Variants in LENG1 observed in about 807,000 individuals in gnomAD.
LENG1 encodes leukocyte receptor cluster (LRC) member 1.
LENG1 carries 35 observed loss-of-function variants against 28.8 expected under a neutral mutation model. The observed-to-expected ratio is 1.22, with a 90% CI of 0.93 to 1.61. The LOEUF (loss-of-function observed/expected upper bound fraction) is 1.61, where lower values mean the gene tolerates loss of function less well. Among genes scored for constraint, LENG1 ranks in the 40% most tolerant of loss-of-function variants. The probability of loss-of-function intolerance (pLI) is 0.00; values close to 1 mark genes in which losing one functional copy is unlikely to be tolerated. For missense variants in LENG1, 404 were observed against 348.9 expected, an observed-to-expected ratio of 1.16 and a Z score of -1.26; for synonymous variants, 170 against 140.6, an observed-to-expected ratio of 1.21 and a Z score of -1.48.
At chr19:54,159,025 C>T (rs1159383356) in intron 1 of LENG1, among the ~76,000 whole-genome samples, 1 of 152,216 alleles carries the variant, frequency 6.6e-6, no homozygotes, top group Non-Finnish European at 1.5e-5. Flanking sequence ...GTCTAGGGGG[C>T]GGTGCACGAA....
At chr19:54,159,283 G>A (rs1277362204) in intron 1 of LENG1, among the ~76,000 whole-genome samples, 1 of 152,228 alleles carries the variant, frequency 6.6e-6, no homozygotes, top group Admixed American at 6.5e-5. Context: ...AAGGGTTCAC[G>A]GATTCATTAA....
rs1468422477 is a variant in LENG1 at position 54,155,577 on chromosome 19, C to T, written c.*144G>A. 20 of 999,156 alleles carry T rather than the reference C, an allele frequency of 2.0e-5. No individual in the cohort carries two copies. The African/African-American group carries it at 2.6e-4, about 13-fold the overall frequency. 61.9% of individuals were successfully genotyped at this position (999,156 alleles called of 1,614,324 possible). ...TTTCCTCTCAGCCCCACCCTGGGGG[C>T]CCGGGGGCGAGGGCTGCCCCCTCCT... On this transcript the variant is annotated 3_prime_UTR_variant, in exon 4 of 4. Transcript: ENST00000222224.
rs749121868 is a variant in LENG1 at position 54,156,873 on chromosome 19, G to A, written c.465C>T (p.Asp155=). 10 of 1,609,618 alleles carry A rather than the reference G, an allele frequency of 6.2e-6. No individual in the cohort carries two copies. In the East Asian group the frequency reaches 1.6e-4, roughly 25 times the overall value. ...GATGCTTCTGCATCTCCCGCAGAGGGTCCAGACGGCTCTTGATCTTCTCAT... is the reference window on the plus strand; with the variant it reads ...GATGCTTCTGCATCTCCCGCAGAGGATCCAGACGGCTCTTGATCTTCTCAT... The part of the protein sequence containing the change: ...APDEKIKSRL[D]PLREMQKHLG... The change falls in exon 3 of 4, where the codon GAC becomes GAT. Residue 155 remains aspartate, a synonymous_variant. Transcript: ENST00000222224.
chr19:54,157,723 C>A (rs534804095), intron 2 of LENG1, among the ~76,000 whole-genome samples: 1 of 151,284 alleles, frequency 6.6e-6, no homozygotes, highest in African/African-American at 2.4e-5. Flanking sequence ...GCGATTGATT[C>A]ACTTTTTGTT....
Position 54,159,544 on chromosome 19 carries a change from C to A in LENG1, c.132+20G>T, listed in dbSNP as rs768212885. ...GCGCGCTGGGCCCCGGAGCGCCGCC[C>A]TGCCGGCTTCCGAGCTTACCTCTTG... On this transcript the variant is annotated intron_variant, in intron 1 of 3. Coordinates refer to ENST00000222224, the MANE Select transcript of LENG1 (RefSeq NM_024316.3). 6 of 1,528,758 alleles carry A rather than the reference C, an allele frequency of 3.9e-6. No homozygotes were observed. In the African/African-American group the frequency reaches 8.3e-5, roughly 21 times the overall value. The allele number at this position is 1,528,758 out of a possible 1,614,324, so 94.7% of individuals were successfully genotyped here.
At chr19:54,156,130 C>T in intron 3 of LENG1, among the ~76,000 whole-genome samples, 190 bp from the exon 4 acceptor site, 1 of 152,250 alleles carries the variant, frequency 6.6e-6, no homozygotes, top group East Asian at 1.9e-4. Context: ...GCCTTCCCTT[C>T]TGTGGGCTTT....
At position 54,156,958 on chromosome 19, in the gene LENG1, T is replaced by G. The variant is rs1443518164; in HGVS notation, c.380A>C (p.Gln127Pro). 6.2e-7 allele frequency: 1 copy of G among 1,610,738 alleles called. No individual in the cohort carries two copies. Among genetic ancestry groups the G allele is most frequent in the Admixed American group, 1.7e-5 (1 of 59,672 alleles). The change falls in exon 3 of 4, where the codon CAA (glutamine) becomes CCA (proline). Residue 127 changes from glutamine to proline, a missense_variant. Transcript: ENST00000222224. ...LGQSAAEAQTQPPWYQLPPGR... is the reference protein window; with the variant it reads ...LGQSAAEAQTPPPWYQLPPGR... The stretch of plus-strand genomic sequence containing the variant: ...TGGGGGTAGCTGGTACCAAGGGGGT[T>G]GAGTCTGTGCCTCCGCTGCACTCTG...
rs113480101 is a variant in LENG1, at chr19:54,159,597, C to T, written c.99G>A (p.Glu33=). The change falls in exon 1 of 4, where the codon GAG becomes GAA. Residue 33 remains glutamate, a synonymous_variant. Transcript: ENST00000222224. ...GAGCCAGCAGCACCCTCCGCTCACG[C>T]TCCTTCTCCTCCTCCCGGGCCTGGG... ...DEAQAREEEK[E]RERRVLLAQQ... The T allele has an allele frequency of 4.4e-6, 7 of 1,603,240 alleles. No homozygotes were observed. Among genetic ancestry groups the T allele is most frequent in the Non-Finnish European group, 6.0e-6 (7 of 1,174,720 alleles).
At chr19:54,156,677 G>T in intron 3 of LENG1, 86 bp downstream of exon 3, 1 of 1,409,236 alleles carries the variant, frequency 7.1e-7, no homozygotes, top group Non-Finnish European at 9.6e-7. Flanking sequence ...TGGCTGTCCT[G>T]ACCAGAGACG....
Position 54,158,176 on chromosome 19 carries a change from T to C in LENG1, c.312+106A>G, listed in dbSNP as rs528170849. The C allele has an allele frequency of 6.8e-5, 71 of 1,044,648 alleles. 1 individual carries two copies. In the South Asian group the frequency reaches 9.1e-4, roughly 13 times the overall value. The allele number at this position is 1,044,648 out of a possible 1,614,324, so 64.7% of individuals were successfully genotyped here. A position where few individuals can be genotyped will look rare whatever the true frequency, so the allele number is the denominator to read the frequency against. The stretch of plus-strand genomic sequence containing the variant: ...CATGCCTTGGTATGGTCCTAAATTC[T>C]GTGTGTTCACTCTTGTTTGACCTTG... On this transcript the variant is annotated intron_variant, in intron 2 of 3. Transcript: ENST00000222224.
At position 54,155,883 on chromosome 19, in the gene LENG1, CCT is replaced by C. The variant is rs1428585040; in HGVS notation, c.631_632del (p.Arg211ValfsTer27). ...GGGCCAGCAGGGCCTCTGCCCGAGA[CCT>C]CTCAGCTGCTTCCCTCCGCAGACGT... Reference protein sequence around the residue: ...AERLRREAAERSRAEALLARV... With the variant: ...AERLRREAAEXSRAEALLARV... On this transcript the variant is annotated frameshift_variant, in exon 4 of 4. Transcript: ENST00000222224. LOFTEE classifies it high-confidence loss of function. 10 of 1,612,812 alleles carry C rather than the reference CCT, an allele frequency of 6.2e-6. No individual in the cohort carries two copies. The highest frequency in any genetic ancestry group is 7.6e-6 in the Non-Finnish European group (9 of 1,179,840).
At chr19:54,156,661 A>C (rs2146832889) in intron 3 of LENG1, 102 bp downstream of exon 3, 1 of 1,247,184 alleles carries the variant, frequency 8.0e-7, no homozygotes, top group Non-Finnish European at 1.1e-6. Flanking sequence ...CCCTTCACGG[A>C]GTCCCTGGCT....
chr19:54,159,099 C>T (rs182985005), intron 1 of LENG1, among the ~76,000 whole-genome samples: 2 of 152,354 alleles, frequency 1.3e-5, no homozygotes, highest in East Asian at 1.9e-4. Flanking sequence ...CTTCCCCTCA[C>T]TGAAGCCATC....
chr19:54,156,805 C>T lies in LENG1; in HGVS notation c.533G>A (p.Ser178Asn), dbSNP rs2075396552. ...RQHGGDEGSRSRKEKEGSEKQ... is the reference protein window; with the variant it reads ...RQHGGDEGSRNRKEKEGSEKQ... ...CTCAGACCCCTCCTTTTCCTTTCTG[C>T]TGCGACTGCCTTCATCACCGCCGTG... The change falls in exon 3 of 4, where the codon AGC becomes AAC. Residue 178 changes from serine (S) to asparagine (N), a missense_variant. Physicochemically the swap from Ser to Asn is conservative, Grantham distance 46 (BLOSUM62 1). Transcript: ENST00000222224. The T allele has an allele frequency of 6.2e-7, 1 of 1,613,856 alleles. No homozygotes were observed. Among genetic ancestry groups the T allele is most frequent in the African/African-American group, 1.3e-5 (1 of 75,038 alleles).
chr19:54,158,191 G>A (rs1269456912), intron 2 of LENG1, 91 bp downstream of exon 2: 16 of 1,185,056 alleles, frequency 1.4e-5, no homozygotes, highest in Non-Finnish European at 2.0e-5. Context: ...GTTCACTCTT[G>A]TTTGACCTTG....
At position 54,157,099 on chromosome 19, in the gene LENG1, A is replaced by G. The variant is rs559664399; in HGVS notation, c.313-74T>C. 2.7e-5 allele frequency: 34 copies of G among 1,248,820 alleles called. 1 individual carries two copies. In the South Asian group the frequency reaches 5.3e-4, roughly 19 times the overall value. The allele number at this position is 1,248,820 out of a possible 1,614,324, so 77.4% of individuals were successfully genotyped here. ...TCAGGTGTGTCTCCCTGACACAGGT[A>G]TCTAAGCGAACAGGTATCTAAGGCT... is the stretch of plus-strand genomic sequence containing the variant. On this transcript the variant is annotated intron_variant, in intron 2 of 3. Coordinates refer to ENST00000222224, the MANE Select transcript of LENG1 (RefSeq NM_024316.3).
intron 3 of LENG1, 98 bp from the exon 4 acceptor site, chr19:54,156,038 G>T: frequency 9.2e-7 from 1 of 1,088,390 alleles, no homozygotes; most frequent in South Asian, 1.5e-5. Context: ...AAGCCCCGCT[G>T]CATCCAGCAC....
Position 54,155,426 on chromosome 19 carries a change from C to CAGA in LENG1, c.*294_*295insTCT. The CAGA allele has an allele frequency of 6.7e-7, 1 of 1,494,590 alleles. No individual in the cohort carries two copies. The highest frequency in any genetic ancestry group is 9.2e-7 in the Non-Finnish European group (1 of 1,089,014). 92.6% of individuals were successfully genotyped at this position (1,494,590 alleles called of 1,614,324 possible). A position where few individuals can be genotyped will look rare whatever the true frequency, so the allele number is the denominator to read the frequency against. On this transcript the variant is annotated 3_prime_UTR_variant, in exon 4 of 4. Coordinates refer to ENST00000222224, the MANE Select transcript of LENG1 (RefSeq NM_024316.3). ...CCAGTGACACCGGCCCCTCCCTCTA[C>CAGA]CCACCCCCTTCCCCCGCATGCTGAT...
In LENG1 at chr19:54,156,863, C is replaced by T. The variant is rs769455664; in HGVS notation, c.475G>A (p.Glu159Lys). 6.2e-7 allele frequency: 1 copy of T among 1,613,900 alleles called. No homozygotes were observed. The highest frequency in any genetic ancestry group is 8.5e-7 in the Non-Finnish European group (1 of 1,179,772). The change falls in exon 3 of 4, where the codon GAG (glutamate) becomes AAG (lysine). Residue 159 changes from glutamate to lysine, a missense_variant. Coordinates refer to ENST00000222224, the MANE Select transcript of LENG1 (RefSeq NM_024316.3). Reference protein sequence around the residue: ...KIKSRLDPLREMQKHLGKKRQ... With the variant: ...KIKSRLDPLRKMQKHLGKKRQ... ...TTCTTCCCCAGATGCTTCTGCATCT[C>T]CCGCAGAGGGTCCAGACGGCTCTTG...
Sources: allele counts gnomAD v4.1 joint callset (sites outside exome capture counted in the v4.1 genomes callset), GRCh38; gene constraint gnomAD v4.1.1; transcripts MANE v1.5; gene names NCBI Gene and HGNC (gene_info 2026-07-23, HGNC 2026-07-21).